The following SCLT1 variants were observed in gnomAD, a reference collection of about 807,000 sequenced individuals.
SCLT1 encodes the protein sodium channel-associated protein 1.
SCLT1 carries 78 observed loss-of-function variants against 112.8 expected under a neutral mutation model. The observed-to-expected ratio is 0.69, with a 90% CI of 0.58 to 0.83. The LOEUF (loss-of-function observed/expected upper bound fraction) is 0.83. SCLT1 is among the 40% of genes least tolerant of loss of function. The pLI is 0.00. For missense variants in SCLT1, 747 were observed against 770.4 expected (o/e 0.97, Z 0.36); for synonymous variants, 257 against 254.7 (o/e 1.01, Z -0.09).
At chr4:129,011,125 T>A (rs762790799) in intron 5 of SCLT1, among the ~76,000 whole-genome samples, 1 of 152,192 alleles carries the variant, frequency 6.6e-6, no homozygotes. Context: ...CTTTTTGACA[T>A]GAAGAATGTT....
chr4:129,074,190 C>T (rs1751264370), intron 2 of SCLT1, among the ~76,000 whole-genome samples: 1 of 152,080 alleles, frequency 6.6e-6, no homozygotes. Flanking sequence ...TAAGTTCCTA[C>T]AATATGGTCA....
chr4:128,920,564 G>C (rs1053155456), intron 18 of SCLT1, among the ~76,000 whole-genome samples: 1 of 152,170 alleles, frequency 6.6e-6, no homozygotes, highest in Non-Finnish European at 1.5e-5. Context: ...AGTGCTGGGC[G>C]TAAGCCACTG....
In SCLT1 at chr4:129,082,391, A is replaced by G. The variant is rs781087201; in HGVS notation, c.35-18T>C. The G allele has an allele frequency of 1.3e-6, 2 of 1,538,894 alleles. No individual in the cohort carries two copies. Among genetic ancestry groups the G allele is most frequent in the Non-Finnish European group, 1.8e-6 (2 of 1,123,994 alleles). On this transcript the variant is annotated intron_variant, in intron 1 of 20. Coordinates refer to ENST00000281142, the MANE Select transcript of SCLT1 (RefSeq NM_144643.4). The stretch of plus-strand genomic sequence containing the variant: ...TCTTCGATCTGAAACAAGCGGGAAA[A>G]CAGATTTCAGTTCATTGAGTAATGG...
chr4:128,958,762 G>T (rs914010525), intron 12 of SCLT1, among the ~76,000 whole-genome samples: 1 of 152,104 alleles, frequency 6.6e-6, no homozygotes, highest in Non-Finnish European at 1.5e-5. Context: ...GAAAATATTA[G>T]TTGAAAGGCA....
chr4:128,888,798 A>C (rs1733088677), intron 19 of SCLT1, 24 bp from the exon 20 acceptor site: 1 of 1,445,226 alleles, frequency 6.9e-7, no homozygotes, highest in East Asian at 2.3e-5. Context: ...ATAGAAAACA[A>C]GTTAGAAATC....
intron 8 of SCLT1, among the ~76,000 whole-genome samples, chr4:128,993,317 G>T (rs1742736290): frequency 1.3e-5 from 2 of 152,010 alleles, no homozygotes; most frequent in South Asian, 4.1e-4. Context: ...TAAAGGATCA[G>T]CTTTTCCCAG....
At chr4:128,944,028 C>T (rs186015032) in intron 16 of SCLT1, among the ~76,000 whole-genome samples, 100 of 152,208 alleles carry the variant, frequency 6.6e-4, no homozygotes, top group Non-Finnish European at 1.3e-3. Context: ...ATGAACCACT[C>T]CTTCTGTCCT....
At chr4:128,931,137 G>T (rs1234317880) in intron 18 of SCLT1, among the ~76,000 whole-genome samples, 1 of 150,890 alleles carries the variant, frequency 6.6e-6, no homozygotes, top group Middle Eastern at 3.2e-3. Flanking sequence ...GAGAGAGAGA[G>T]AAATAGAAAC....
At position 129,048,355 on chromosome 4, in the gene SCLT1, C is replaced by T. The variant is rs368271859; in HGVS notation, c.103-4304G>A. Among the ~76,000 whole-genome samples the T allele has an allele frequency of 6.6e-5, 10 of 151,866 alleles. No individual in the cohort carries two copies. In the East Asian group the frequency reaches 1.7e-3, roughly 26 times the overall value. On this transcript the variant is annotated intron_variant, in intron 2 of 20. Transcript: ENST00000281142. Reference sequence around the variant, plus strand: ...CTACAACTATCTGATCTTTGACAAACCTGAGAAAAACAAGCAATGGGGAAA... The same window carrying T: ...CTACAACTATCTGATCTTTGACAAATCTGAGAAAAACAAGCAATGGGGAAA...
chr4:128,944,900 G>A (rs1443652282), intron 16 of SCLT1: 1 of 152,042 alleles, frequency 6.6e-6, no homozygotes, highest in Non-Finnish European at 1.5e-5. Flanking sequence ...GACTCATATT[G>A]GAAAGAAGCC....
chr4:128,879,600 A>G (rs1232948129), downstream of SCLT1, among the ~76,000 whole-genome samples: 1 of 152,160 alleles, frequency 6.6e-6, no homozygotes, highest in African/African-American at 2.4e-5. Flanking sequence ...AGGAAATAAC[A>G]CCTACCTAGA....
intron 20 of SCLT1, among the ~76,000 whole-genome samples, chr4:128,888,229 G>C (rs930369297): frequency 7.1e-6 from 1 of 141,396 alleles, no homozygotes; most frequent in Non-Finnish European, 1.5e-5. Context: ...TTTTTTTGTT[G>C]ATACAGAGTG....
intron 2 of SCLT1, among the ~76,000 whole-genome samples, chr4:129,063,761 C>G (rs747832820): frequency 1.3e-5 from 2 of 152,160 alleles, no homozygotes; most frequent in Non-Finnish European, 2.9e-5. Context: ...CCTCCCTGTT[C>G]TCCCTGCTCC....
intron 5 of SCLT1, among the ~76,000 whole-genome samples, chr4:129,028,406 G>C (rs1286567994): frequency 6.6e-6 from 1 of 152,074 alleles, no homozygotes; most frequent in African/African-American, 2.4e-5. Flanking sequence ...TGACAAACCT[G>C]AGAAAAACAA....
chr4:128,901,683 T>A (rs936084647), intron 18 of SCLT1, among the ~76,000 whole-genome samples: 5 of 150,738 alleles, frequency 3.3e-5, no homozygotes, highest in African/African-American at 9.8e-5. Flanking sequence ...AAAAAAAAAT[T>A]AAAAAAAAAG....
At chr4:129,083,253 T>A (rs1752111475) in intron 1 of SCLT1, among the ~76,000 whole-genome samples, 1 of 151,354 alleles carries the variant, frequency 6.6e-6, no homozygotes, top group Non-Finnish European at 1.5e-5. Flanking sequence ...GACCATACTT[T>A]TATTTACATC....
downstream of SCLT1, among the ~76,000 whole-genome samples, chr4:128,883,599 C>T (rs187527927): frequency 2.2e-4 from 34 of 152,226 alleles, no homozygotes; most frequent in African/African-American, 8.2e-4. Context: ...TAACTGTTAG[C>T]ACCATTACTA....
chr4:129,070,795 T>A (rs543023394), intron 2 of SCLT1, among the ~76,000 whole-genome samples: 1 of 152,252 alleles, frequency 6.6e-6, no homozygotes, highest in African/African-American at 2.4e-5. Context: ...TAATCTTGGT[T>A]ATTTCCTTTG....
intron 2 of SCLT1, among the ~76,000 whole-genome samples, chr4:129,067,006 CAT>C (rs1215048913): frequency 2.6e-5 from 4 of 151,942 alleles, no homozygotes; most frequent in African/African-American, 9.7e-5. Flanking sequence ...AAACATGAAA[CAT>C]AACAAAATCT....
Sources: gnomAD v4.1 joint callset for allele counts (sites outside exome capture counted in the v4.1 genomes callset) on GRCh38, gnomAD v4.1.1 for gene constraint, MANE v1.5 for transcripts, NCBI Gene and HGNC (gene_info 2026-07-23, HGNC 2026-07-21) for gene names.